Variants in MYO1E observed in about 807,000 individuals in gnomAD.
MYO1E encodes the protein myosin IE.
In MYO1E, 68 loss-of-function variants were observed where a neutral mutation model predicts 151.1. That is an observed-to-expected ratio of 0.45 (90% CI 0.37 to 0.55). MYO1E has a LOEUF of 0.55. MYO1E is among the 20% of genes least tolerant of loss of function. MYO1E has a pLI of 0.00. For missense variants in MYO1E, 1,363 were observed against 1,389.3 expected (o/e 0.98, Z 0.30); for synonymous variants, 601 against 501.7 (o/e 1.20, Z -2.64).
chr15:59,242,094 C>T (rs17302240), intron 4 of MYO1E, among the ~76,000 whole-genome samples: 23,503 of 152,146 alleles, frequency 0.15, 2,765 homozygotes, highest in East Asian at 0.53. Flanking sequence ...TGTGCCATTT[C>T]GTGCTACATT....
chr15:59,344,779 C>T (rs1314805173), intron 1 of MYO1E, among the ~76,000 whole-genome samples: 1 of 152,188 alleles, frequency 6.6e-6, no homozygotes, highest in Non-Finnish European at 1.5e-5. Flanking sequence ...TTCTCCACCC[C>T]ACAGGCCCAC....
At chr15:59,154,978 T>C (rs1205411684) in intron 25 of MYO1E, among the ~76,000 whole-genome samples, 2 of 152,136 alleles carry the variant, frequency 1.3e-5, no homozygotes, top group Admixed American at 6.5e-5. Context: ...AACTAGACAT[T>C]TGGGGCAAAC....
chr15:59,166,910 G>T (rs540603106), intron 22 of MYO1E, among the ~76,000 whole-genome samples: 1 of 152,282 alleles, frequency 6.6e-6, no homozygotes, highest in East Asian at 1.9e-4. Context: ...TTATAGTAAG[G>T]CACATGTTTA....
rs66848377 is a variant in MYO1E at position 59,366,997 on chromosome 15, C to CAA, written c.3+5499_3+5500dup. 6.9e-3 allele frequency among the ~76,000 whole-genome samples: 194 copies of CAA among 28,312 alleles called. 1 individual carries two copies. Among genetic ancestry groups the CAA allele is most frequent in the Middle Eastern group, 0.029 (1 of 34 alleles). The allele number at this position is 28,312 out of a possible 152,430, so 18.6% of individuals were successfully genotyped here. On this transcript the variant is annotated intron_variant, in intron 1 of 27. Coordinates refer to ENST00000288235, the MANE Select transcript of MYO1E (RefSeq NM_004998.4). ...AAAAACACAAGTTGCTGCATTTTCG[C>CAA]AAAAAAAAAAAAAAAAAAAAAAAAA...
rs200710336 is a variant in MYO1E at position 59,158,268 on chromosome 15, C to T, written c.2878+19G>A. 143 of 1,530,792 alleles carry T rather than the reference C, an allele frequency of 9.3e-5. No individual in the cohort carries two copies. The African/African-American group carries it at 1.4e-3, about 15-fold the overall frequency. 94.8% of individuals were successfully genotyped at this position (1,530,792 alleles called of 1,614,324 possible). A position where few individuals can be genotyped will look rare whatever the true frequency, so the allele number is the denominator to read the frequency against. On this transcript the variant is annotated intron_variant, in intron 25 of 27. Coordinates refer to ENST00000288235, the MANE Select transcript of MYO1E (RefSeq NM_004998.4). The stretch of plus-strand genomic sequence containing the variant: ...GTCCAGATTTAGTGGTCCCAGACTA[C>T]GGTACGTAGCTGGCTTACCTGGGGG...
At chr15:59,273,361 G>A (rs543771845) in intron 1 of MYO1E, among the ~76,000 whole-genome samples, 1 of 144,778 alleles carries the variant, frequency 6.9e-6, no homozygotes, top group Non-Finnish European at 1.5e-5. Context: ...GTCCTATGAA[G>A]ACACCTAGAT....
At chr15:59,315,418 G>C (rs1367955216) in intron 1 of MYO1E, among the ~76,000 whole-genome samples, 1 of 152,056 alleles carries the variant, frequency 6.6e-6, no homozygotes, top group Non-Finnish European at 1.5e-5. Context: ...GAGAGTATTA[G>C]GAAAAATAGC....
chr15:59,341,538 C>A (rs1567019805), intron 1 of MYO1E: 1 of 152,192 alleles, frequency 6.6e-6, no homozygotes, highest in Non-Finnish European at 1.5e-5. Flanking sequence ...TATTCCCTAT[C>A]TCTATGAGTT....
At chr15:59,298,076 T>C (rs1462507811) in intron 1 of MYO1E, among the ~76,000 whole-genome samples, 1 of 152,206 alleles carries the variant, frequency 6.6e-6, no homozygotes, top group Non-Finnish European at 1.5e-5. Context: ...TTCACTTTCA[T>C]CATTTGGTTA....
chr15:59,359,278 TAC>T (rs1567024438), intron 1 of MYO1E, among the ~76,000 whole-genome samples: 1 of 49,202 alleles, frequency 2.0e-5, no homozygotes, highest in African/African-American at 4.2e-5. Flanking sequence ...ATATTTTACA[TAC>T]ATATATATAT....
chr15:59,237,074 A>G (rs1468328606), intron 4 of MYO1E, among the ~76,000 whole-genome samples: 1 of 152,244 alleles, frequency 6.6e-6, no homozygotes, highest in African/African-American at 2.4e-5. Context: ...AAGTCATTCA[A>G]GTTATATACA....
rs776535741 is a variant in MYO1E at position 59,218,043 on chromosome 15, A to C, written c.955T>G (p.Leu319Val). The change falls in exon 10 of 28, where the codon TTG becomes GTG. Residue 319 changes from leucine (L) to valine (V), a missense_variant. By Grantham distance (32) the Leu-to-Val change is conservative. Transcript: ENST00000288235. ...TGCCGGCTTGTTAGCTTTTCTTTCA[A>C]CCGGTCCTGGTTTATCCCTAGCAGA... The part of the protein sequence containing the change: ...AYLLGINQDR[L>V]KEKLTSRQMD... 1 of 1,614,192 alleles carries C rather than the reference A, an allele frequency of 6.2e-7. No homozygotes were observed. Among genetic ancestry groups the C allele is most frequent in the Non-Finnish European group, 8.5e-7 (1 of 1,180,034 alleles).
intron 18 of MYO1E, among the ~76,000 whole-genome samples, chr15:59,179,549 G>A (rs1050958637): frequency 6.6e-6 from 1 of 152,060 alleles, no homozygotes; most frequent in East Asian, 1.9e-4. Context: ...TTTGATGTAC[G>A]ATCTCCTCTT....
intron 10 of MYO1E, among the ~76,000 whole-genome samples, chr15:59,216,385 T>C (rs1320494862): frequency 1.3e-5 from 2 of 151,944 alleles, no homozygotes; most frequent in Non-Finnish European, 2.9e-5. Context: ...TTTTTCTCTT[T>C]AAAATACTCA....
chr15:59,208,821 C>G lies in MYO1E; in HGVS notation c.1390G>C (p.Asp464His). Residue 464 changes from aspartate (D) to histidine (H), a missense_variant, in exon 14 of 28, where the codon GAT becomes CAT. Transcript: ENST00000288235. ...GCATGCATCGTGGCGCACACGTCAT[C>G]CAGGATGCTCATGATGCCAGGAGGG... ...VNPPGIMSILDDVCATMHAVG... is the reference protein window; with the variant it reads ...VNPPGIMSILHDVCATMHAVG... 6.2e-7 allele frequency: 1 copy of G among 1,614,198 alleles called. No individual in the cohort carries two copies. Among genetic ancestry groups the G allele is most frequent in the East Asian group, 2.2e-5 (1 of 44,884 alleles).
At chr15:59,236,369 T>TATATAC (rs1392466770) in intron 5 of MYO1E, among the ~76,000 whole-genome samples, 21 of 117,744 alleles carry the variant, frequency 1.8e-4, no homozygotes, top group African/African-American at 5.8e-4. Flanking sequence ...AAAAAATATA[T>TATATAC]ACACACACAC....
rs1436499170 is a variant in MYO1E, at chr15:59,188,130, T to G, written c.1892A>C (p.Lys631Thr). The G allele has an allele frequency of 6.2e-7, 1 of 1,613,682 alleles. No individual in the cohort carries two copies. The highest frequency in any genetic ancestry group is 1.7e-5 in the Admixed American group (1 of 60,026). The change falls in exon 18 of 28, where the codon AAA becomes ACA. Residue 631 changes from lysine to threonine, a missense_variant. Coordinates refer to ENST00000288235, the MANE Select transcript of MYO1E (RefSeq NM_004998.4). ...ACTAGTTCATTACCTCTGTAGGAAT[T>G]TTTGGAAGATGCGCCGATAGGCATA... is the stretch of plus-strand genomic sequence containing the variant. ...AGYAYRRIFQ[K>T]FLQRYAILTK...
chr15:59,352,056 A>G (rs570743019), intron 1 of MYO1E, among the ~76,000 whole-genome samples: 2 of 152,334 alleles, frequency 1.3e-5, no homozygotes, highest in Admixed American at 1.3e-4. Flanking sequence ...AAAGTATAGC[A>G]TGGACAGCAG....
chr15:59,353,185 T>G (rs942737505), intron 1 of MYO1E, among the ~76,000 whole-genome samples: 9 of 151,924 alleles, frequency 5.9e-5, no homozygotes, highest in African/African-American at 2.2e-4. Flanking sequence ...GTCTTGTTTA[T>G]ACTAAAATTA....
Sources: allele counts gnomAD v4.1 joint callset (sites outside exome capture counted in the v4.1 genomes callset), GRCh38; gene constraint gnomAD v4.1.1; transcripts MANE v1.5; gene names NCBI Gene and HGNC (gene_info 2026-07-23, HGNC 2026-07-21).